EHBP1L1: variants seen among roughly 807,000 people sequenced by gnomAD.
The protein encoded by EHBP1L1 is EH domain binding protein 1 like 1, also known as EH domain-binding protein 1-like protein 1.
In EHBP1L1, 122 loss-of-function variants were observed where a neutral mutation model predicts 151.1. That is an observed-to-expected ratio of 0.81 (90% CI 0.70 to 0.94). The LOEUF (loss-of-function observed/expected upper bound fraction) is 0.94, where lower values mean the gene tolerates loss of function less well. Ranked by LOEUF, EHBP1L1 falls within the 40% of genes least tolerant of loss-of-function variation. EHBP1L1 has a pLI of 0.00. For missense variants in EHBP1L1, 1,941 were observed against 1,959.8 expected, an observed-to-expected ratio of 0.99 and a Z score of 0.18; for synonymous variants, 878 against 810.1, an observed-to-expected ratio of 1.08 and a Z score of -1.42.
Position 65,581,797 on chromosome 11 carries a change from A to G in EHBP1L1, c.1125A>G (p.Arg375=). The G allele has an allele frequency of 1.9e-6, 3 of 1,613,410 alleles. No homozygotes were observed. The highest frequency in any genetic ancestry group is 1.7e-6 in the Non-Finnish European group (2 of 1,179,700). ...CTGGAGACCCTTTTGGAAGGCAGAG[A>G]CTCAAGGCTGAAGAGATGGACACTG... The part of the protein sequence containing the change: ...KGSGDPFGRQ[R]LKAEEMDTED... Residue 375 remains arginine, a synonymous_variant, in exon 9 of 19, where the codon AGA becomes AGG. Transcript: ENST00000309295.
rs984660569 is a variant in EHBP1L1, at chr11:65,576,191, G to C, written c.-112G>C. ...CCGGGTCGGAGCCTGGGACACCTCC[G>C]CACGGACGGGGCGGGCGGCGCGGAC... On this transcript the variant is annotated 5_prime_UTR_variant, in exon 1 of 19. Coordinates refer to ENST00000309295, the MANE Select transcript of EHBP1L1 (RefSeq NM_001099409.3). 2 of 947,436 alleles carry C rather than the reference G, an allele frequency of 2.1e-6. No individual in the cohort carries two copies. The highest frequency in any genetic ancestry group is 3.5e-5 in the African/African-American group (2 of 56,862). The allele number at this position is 947,436 out of a possible 1,614,324, so 58.7% of individuals were successfully genotyped here. A position where few individuals can be genotyped will look rare whatever the true frequency, so the allele number is the denominator to read the frequency against.
intron 12 of EHBP1L1, among the ~76,000 whole-genome samples, chr11:65,588,768 C>A (rs1030163949): frequency 1.3e-5 from 2 of 152,310 alleles, no homozygotes; most frequent in Non-Finnish European, 2.9e-5. Flanking sequence ...TGGGGTCAGC[C>A]CTGCCCTTCC....
In EHBP1L1 at chr11:65,581,629, G is replaced by C. The variant is rs1263828172; in HGVS notation, c.957G>C (p.Gln319His). 4 of 1,549,396 alleles carry C rather than the reference G, an allele frequency of 2.6e-6. No individual in the cohort carries two copies. The highest frequency in any genetic ancestry group is 2.6e-6 in the Non-Finnish European group (3 of 1,146,674). The change falls in exon 9 of 19, where the codon CAG becomes CAC. Residue 319 changes from glutamine to histidine, a missense_variant. Gln to His is a conservative substitution (Grantham distance 24, BLOSUM62 0). Transcript: ENST00000309295. ...GSDALRPPVP[Q>H]GEDEVPKASG... ...ATGCCCTCCGGCCCCCAGTCCCCCA[G>C]GGGGAAGATGAGGTCCCCAAAGCCT...
chr11:65,584,547 G>A lies in EHBP1L1; in HGVS notation c.3300+13G>A, dbSNP rs199502631. On this transcript the variant is annotated intron_variant, in intron 11 of 18. Transcript: ENST00000309295. ...GAACAACAAGCAGGTGAGATGGGGT[G>A]GGGGACTGCCTGGAGGGAAGGAGGG... 3.7e-4 allele frequency: 598 copies of A among 1,609,476 alleles called. 2 individuals carry two copies. In the African/African-American group the frequency reaches 6.8e-3, roughly 18 times the overall value.
Position 65,580,210 on chromosome 11 carries a change from G to A in EHBP1L1, c.442G>A (p.Glu148Lys). 2 of 1,613,634 alleles carry A rather than the reference G, an allele frequency of 1.2e-6. No individual in the cohort carries two copies. The highest frequency in any genetic ancestry group is 1.7e-6 in the Non-Finnish European group (2 of 1,179,882). The change falls in exon 5 of 19, where the codon GAG becomes AAG. Residue 148 changes from glutamate to lysine, a missense_variant. Coordinates refer to ENST00000309295, the MANE Select transcript of EHBP1L1 (RefSeq NM_001099409.3). ...AAAGTCAGTGAAGGTGGTGCAGGCT[G>A]AGCTGAGCCTCACTCTTTCCGGGGT... ...KPKSVKVVQA[E>K]LSLTLSGVLL...
Position 65,582,894 on chromosome 11 carries a change from C to T in EHBP1L1, c.2222C>T (p.Ala741Val), listed in dbSNP as rs780470079. 1.2e-6 allele frequency: 2 copies of T among 1,613,432 alleles called. No homozygotes were observed. Among genetic ancestry groups the T allele is most frequent in the Admixed American group, 3.3e-5 (2 of 59,976 alleles). ...GATTCAGGGGTCAGAGAGATAGAAG[C>T]AGAGATAGCAGAGTCTGACATATTG... ...ARDSGVREIE[A>V]EIAESDILVA... The change falls in exon 9 of 19, where the codon GCA becomes GTA. Residue 741 changes from alanine (A) to valine (V), a missense_variant. Physicochemically the swap from Ala to Val is moderately conservative, Grantham distance 64. Coordinates refer to ENST00000309295, the MANE Select transcript of EHBP1L1 (RefSeq NM_001099409.3).
At chr11:65,591,485 C>G (rs562626550) in intron 16 of EHBP1L1, 2 of 483,372 alleles carry the variant, frequency 4.1e-6, no homozygotes, top group Admixed American at 3.8e-5. Flanking sequence ...CTCCCTTTTG[C>G]GTTTGGGATT....
At chr11:65,591,600 C>T (rs1354348040) in intron 16 of EHBP1L1, 200 bp from the exon 17 acceptor site, 2 of 626,660 alleles carry the variant, frequency 3.2e-6, no homozygotes, top group South Asian at 1.8e-5. Flanking sequence ...AACACAAACA[C>T]CCAGCAATTG....
chr11:65,584,837 G>A, intron 11 of EHBP1L1, 122 bp from the exon 12 acceptor site: 2 of 1,306,766 alleles, frequency 1.5e-6, no homozygotes, highest in South Asian at 1.4e-5. Context: ...AGGAGGGGGC[G>A]GTGTTGCTAG....
chr11:65,584,778 C>CGTTGCT, intron 11 of EHBP1L1, 181 bp from the exon 12 acceptor site: 1 of 989,596 alleles, frequency 1.0e-6, no homozygotes. Context: ...GACGGTGTGC[C>CGTTGCT]GTTGCTAAGC....
intron 6 of EHBP1L1, 176 bp from the exon 7 acceptor site, chr11:65,580,882 C>T (rs1857564751): frequency 1.4e-6 from 2 of 1,391,728 alleles, no homozygotes; most frequent in East Asian, 5.3e-5. Context: ...TGTTGAGGTT[C>T]TCTCTCTCTT....
At position 65,591,736 on chromosome 11, in the gene EHBP1L1, C is replaced by G. The variant is rs1381669764; in HGVS notation, c.4284-64C>G. 4 of 1,347,742 alleles carry G rather than the reference C, an allele frequency of 3.0e-6. No individual in the cohort carries two copies. The Admixed American group carries it at 5.9e-5, about 20-fold the overall frequency. 83.5% of individuals were successfully genotyped at this position (1,347,742 alleles called of 1,614,324 possible). ...GGGAGTGGCCAGAGCCCTGGGCACT[C>G]TCTCCCTACGCCCCTTTTCCTGAAC... On this transcript the variant is annotated intron_variant, in intron 16 of 18. Coordinates refer to ENST00000309295, the MANE Select transcript of EHBP1L1 (RefSeq NM_001099409.3).
At chr11:65,590,393 G>C in intron 15 of EHBP1L1, 100 bp from the exon 16 acceptor site, 1 of 1,511,378 alleles carries the variant, frequency 6.6e-7, no homozygotes, top group East Asian at 2.4e-5. Flanking sequence ...TCTGGCTTCT[G>C]GGATGTCACA....
chr11:65,592,175 A>G (rs1858363287), intron 18 of EHBP1L1, 28 bp from the exon 19 acceptor site: 1 of 1,596,524 alleles, frequency 6.3e-7, no homozygotes, highest in Non-Finnish European at 8.5e-7. Flanking sequence ...CGCCCAACGG[A>G]GCGCTGACTC....
At chr11:65,581,004 TG>T (rs2135252286) in intron 6 of EHBP1L1, 53 bp from the exon 7 acceptor site, 1 of 1,549,538 alleles carries the variant, frequency 6.5e-7, no homozygotes. Flanking sequence ...GTCAGGCCTG[TG>T]GGGCCCTGCC....
chr11:65,592,279 C>G lies in EHBP1L1; in HGVS notation c.4549C>G (p.Arg1517Gly). 6.5e-7 allele frequency: 1 copy of G among 1,530,108 alleles called. No homozygotes were observed. 94.8% of individuals were successfully genotyped at this position (1,530,108 alleles called of 1,614,324 possible). A position where few individuals can be genotyped will look rare whatever the true frequency, so the allele number is the denominator to read the frequency against. The change falls in exon 19 of 19, where the codon CGG (arginine) becomes GGG (glycine). Residue 1517 changes from arginine to glycine, a missense_variant. Arg to Gly is a moderately radical substitution (Grantham distance 125). Transcript: ENST00000309295. The stretch of plus-strand genomic sequence containing the variant: ...CAAGCTGAGCCGGCAGTTGAGCCGG[C>G]GGGAGCGCTGCGTGCTGAGCTGAGG... ...RRKLSRQLSR[R>G]ERCVLS is the part of the protein sequence containing the mutation.
chr11:65,577,801 G>A (rs898121359), intron 1 of EHBP1L1, among the ~76,000 whole-genome samples: 2 of 152,334 alleles, frequency 1.3e-5, no homozygotes, highest in Admixed American at 6.5e-5. Context: ...AGGCTCAACC[G>A]TGTAAACTTG....
chr11:65,576,806 C>G (rs1256172509), intron 1 of EHBP1L1, among the ~76,000 whole-genome samples: 2 of 152,164 alleles, frequency 1.3e-5, no homozygotes, highest in Admixed American at 6.5e-5. Context: ...CCTGACCTTA[C>G]TTAGTCCAGC....
intron 12 of EHBP1L1, among the ~76,000 whole-genome samples, chr11:65,587,965 C>G (rs1473795743): frequency 6.6e-6 from 1 of 152,202 alleles, no homozygotes; most frequent in Non-Finnish European, 1.5e-5. Context: ...TAGATATTAG[C>G]TGCTGTTATT....
Sources: gnomAD v4.1 joint callset for allele counts (sites outside exome capture counted in the v4.1 genomes callset) on GRCh38, gnomAD v4.1.1 for gene constraint, MANE v1.5 for transcripts, NCBI Gene and HGNC (gene_info 2026-07-23, HGNC 2026-07-21) for gene names.